The following TDRD6 variants were observed in gnomAD, a reference collection of about 807,000 sequenced individuals.
TDRD6 encodes tudor domain-containing protein 6.
Under a neutral mutation model 157.5 loss-of-function variants are expected in TDRD6, and 186 were observed. The ratio of observed to expected loss-of-function variants is 1.18; its 90% confidence interval spans 1.05 to 1.33. The LOEUF is 1.33. TDRD6 is among the 40% of genes most tolerant of loss of function. The pLI is 0.00. For missense variants in TDRD6, 3,066 were observed against 2,508.0 expected, an observed-to-expected ratio of 1.22 and a Z score of -4.75; for synonymous variants, 1,075 against 945.2, an observed-to-expected ratio of 1.14 and a Z score of -2.52.
rs1764683537 is a variant in TDRD6 at position 46,703,743 on chromosome 6, T to G, written c.*1856T>G. 1 of 152,148 alleles carries G rather than the reference T, an allele frequency of 6.6e-6. No individual in the cohort carries two copies. Among genetic ancestry groups the G allele is most frequent in the Non-Finnish European group, 1.5e-5 (1 of 67,986 alleles). 9.4% of individuals were successfully genotyped at this position (152,148 alleles called of 1,614,324 possible). On this transcript the variant is annotated 3_prime_UTR_variant, in exon 4 of 4. Transcript: ENST00000316081. ...ATTGAAAACATTAAATAAAATTAAC[T>G]GGAATATGAAGAAGCTAAATGTAAT...
Position 46,692,337 on chromosome 6 carries a change from G to C in TDRD6, c.4209G>C (p.Arg1403Ser). ...VSVVHTNKIGRLDLVNAILPG... is the reference protein window; with the variant it reads ...VSVVHTNKIGSLDLVNAILPG... Reference sequence around the variant, plus strand: ...TGGTTCATACTAACAAAATAGGTAGGCTTGACCTTGTTAATGCAATATTGC... The same window carrying C: ...TGGTTCATACTAACAAAATAGGTAGCCTTGACCTTGTTAATGCAATATTGC... Residue 1403 changes from arginine (R) to serine (S), a missense_variant, in exon 1 of 4, where the codon AGG (arginine) becomes AGC (serine). Coordinates refer to ENST00000316081, the MANE Select transcript of TDRD6 (RefSeq NM_001010870.3). 6.2e-7 allele frequency: 1 copy of C among 1,614,144 alleles called. No homozygotes were observed. Among genetic ancestry groups the C allele is most frequent in the Admixed American group, 1.7e-5 (1 of 60,022 alleles).
chr6:46,692,528 G>A lies in TDRD6; in HGVS notation c.4400G>A (p.Gly1467Glu). 1 of 1,613,724 alleles carries A rather than the reference G, an allele frequency of 6.2e-7. No individual in the cohort carries two copies. Among genetic ancestry groups the A allele is most frequent in the Non-Finnish European group, 8.5e-7 (1 of 1,180,004 alleles). ...RWEVILADEH[G>E]IIADDMISRY... Reference sequence around the variant, plus strand: ...GAAGTTATTCTTGCTGATGAACATGGGATCATAGCAGATGATATGATTAGC... The same window carrying A: ...GAAGTTATTCTTGCTGATGAACATGAGATCATAGCAGATGATATGATTAGC... The change falls in exon 1 of 4, where the codon GGG (glycine) becomes GAG (glutamate). Residue 1467 changes from glycine to glutamate, a missense_variant. Gly to Glu is a moderately conservative substitution (Grantham distance 98, BLOSUM62 -2). Coordinates refer to ENST00000316081, the MANE Select transcript of TDRD6 (RefSeq NM_001010870.3).
At position 46,692,885 on chromosome 6, in the gene TDRD6, G is replaced by C; in HGVS notation, c.4757G>C (p.Arg1586Thr). The change falls in exon 1 of 4, where the codon AGG (arginine) becomes ACG (threonine). Residue 1586 changes from arginine (R) to threonine (T), a missense_variant. Transcript: ENST00000316081. Reference protein sequence around the residue: ...VRYREDGHYYRALITNICEDY... With the variant: ...VRYREDGHYYTALITNICEDY... ...TACAGAGAAGATGGACATTATTATAGGGCACTTATCACTAATATTTGTGAA... is the reference window on the plus strand; with the variant it reads ...TACAGAGAAGATGGACATTATTATACGGCACTTATCACTAATATTTGTGAA... The C allele has an allele frequency of 1.2e-6, 2 of 1,614,078 alleles. No individual in the cohort carries two copies.
Position 46,689,279 on chromosome 6 carries a change from G to C in TDRD6, c.1151G>C (p.Gly384Ala), listed in dbSNP as rs779367338. The change falls in exon 1 of 4, where the codon GGT becomes GCT. Residue 384 changes from glycine (G) to alanine (A), a missense_variant. Physicochemically the swap from Gly to Ala is moderately conservative, Grantham distance 60. Coordinates refer to ENST00000316081, the MANE Select transcript of TDRD6 (RefSeq NM_001010870.3). ...YPCALYGLWD[G>A]GRGWSRSQVG... ...TGTGCTTTGTATGGACTCTGGGACG[G>C]TGGGAGAGGCTGGTCTCGGTCACAG... is the stretch of plus-strand genomic sequence containing the variant. 9.9e-6 allele frequency: 16 copies of C among 1,614,090 alleles called. No homozygotes were observed. Among genetic ancestry groups the C allele is most frequent in the African/African-American group, 1.3e-5 (1 of 74,928 alleles).
the TDRD6 span, chr6:46,681,403 A>G: frequency 5.6e-6 from 2 of 359,344 alleles, no homozygotes; most frequent in Admixed American, 6.8e-5. Context: ...TATGGAAATT[A>G]TATCACTATT....
In TDRD6 at chr6:46,695,911, G is replaced by A; in HGVS notation, c.6137G>A (p.Cys2046Tyr). 1 of 1,613,546 alleles carries A rather than the reference G, an allele frequency of 6.2e-7. No individual in the cohort carries two copies. Among genetic ancestry groups the A allele is most frequent in the East Asian group, 2.2e-5 (1 of 44,794 alleles). ...WSSLRNTWSK[C>Y]EILETAEEGT... ...AGTCTAAGAAACACATGGTCTAAAT[G>A]TGAGATTTTAGAAACAGCTGAAGAA... is the stretch of plus-strand genomic sequence containing the variant. Residue 2046 changes from cysteine to tyrosine, a missense_variant, in exon 2 of 4, where the codon TGT (cysteine) becomes TAT (tyrosine). By Grantham distance (194) the Cys-to-Tyr change is radical (BLOSUM62 -2). Coordinates refer to ENST00000316081, the MANE Select transcript of TDRD6 (RefSeq NM_001010870.3).
Position 46,688,251 on chromosome 6 carries a change from C to T in TDRD6, c.123C>T (p.Gly41=). Reference sequence around the variant, plus strand: ...GGGGGCTGGTGGGCGAGCGGCGGGGCGAGTACCTGCGGCTGAGCCGGGAAA... The same window carrying T: ...GGGGGCTGGTGGGCGAGCGGCGGGGTGAGTACCTGCGGCTGAGCCGGGAAA... ...QLWGLVGERR[G]EYLRLSREIQ... The change falls in exon 1 of 4, where the codon GGC becomes GGT. Residue 41 remains glycine, a synonymous_variant. Coordinates refer to ENST00000316081, the MANE Select transcript of TDRD6 (RefSeq NM_001010870.3). 1 of 1,515,594 alleles carries T rather than the reference C, an allele frequency of 6.6e-7. No individual in the cohort carries two copies. The highest frequency in any genetic ancestry group is 8.8e-7 in the Non-Finnish European group (1 of 1,138,910). 93.9% of individuals were successfully genotyped at this position (1,515,594 alleles called of 1,614,324 possible). A position where few individuals can be genotyped will look rare whatever the true frequency, so the allele number is the denominator to read the frequency against.
chr6:46,696,468 A>ATGTG (rs66827473), intron 2 of TDRD6, among the ~76,000 whole-genome samples: 8 of 113,064 alleles, frequency 7.1e-5, no homozygotes, highest in African/African-American at 2.6e-4. Context: ...ATATATGTAT[A>ATGTG]TGTGTGTATA....
Position 46,688,435 on chromosome 6 carries a change from C to A in TDRD6, c.307C>A (p.Arg103Ser), listed in dbSNP as rs899912300. The change falls in exon 1 of 4, where the codon CGC (arginine) becomes AGC (serine). Residue 103 changes from arginine to serine, a missense_variant. Transcript: ENST00000316081. ...CCGTGTCTTCCTGCTGGACGAGGGCCGCACCATCACGGCCGGAGCAGGCTC... is the reference window on the plus strand; with the variant it reads ...CCGTGTCTTCCTGCTGGACGAGGGCAGCACCATCACGGCCGGAGCAGGCTC... Reference protein sequence around the residue: ...ESRVFLLDEGRTITAGAGSLA... With the variant: ...ESRVFLLDEGSTITAGAGSLA... The A allele has an allele frequency of 2.6e-6, 4 of 1,541,884 alleles. No individual in the cohort carries two copies. In the African/African-American group the frequency reaches 5.5e-5, roughly 21 times the overall value.
chr6:46,682,855 T>C, the TDRD6 span, among the ~76,000 whole-genome samples: 1 of 151,910 alleles, frequency 6.6e-6, no homozygotes, highest in Non-Finnish European at 1.5e-5. Flanking sequence ...ATGAACTGTG[T>C]CCATGGATTA....
At position 46,689,944 on chromosome 6, in the gene TDRD6, T is replaced by A; in HGVS notation, c.1816T>A (p.Trp606Arg). The change falls in exon 1 of 4, where the codon TGG becomes AGG. Residue 606 changes from tryptophan (W) to arginine (R), a missense_variant. Transcript: ENST00000316081. ...TGTGAAGTGCACCCTGGCTGATATT[T>A]GGCCTTTGGGAAAAACTTGGAGCCA... The part of the protein sequence containing the change: ...LAVKCTLADI[W>R]PLGKTWSQEA... 6.2e-7 allele frequency: 1 copy of A among 1,614,166 alleles called. No homozygotes were observed. The highest frequency in any genetic ancestry group is 8.5e-7 in the Non-Finnish European group (1 of 1,180,020).
chr6:46,689,117 T>A lies in TDRD6; in HGVS notation c.989T>A (p.Leu330Gln). The change falls in exon 1 of 4, where the codon CTG becomes CAG. Residue 330 changes from leucine (L) to glutamine (Q), a missense_variant. Physicochemically the swap from Leu to Gln is moderately radical, Grantham distance 113 (BLOSUM62 -2). Coordinates refer to ENST00000316081, the MANE Select transcript of TDRD6 (RefSeq NM_001010870.3). Reference protein sequence around the residue: ...CGLDGHWYRALLLETFRPQRC... With the variant: ...CGLDGHWYRAQLLETFRPQRC... ...CTGGATGGACATTGGTACAGAGCAC[T>A]GTTGCTTGAGACTTTTCGGCCCCAG... 1 of 1,614,152 alleles carries A rather than the reference T, an allele frequency of 6.2e-7. No homozygotes were observed. The highest frequency in any genetic ancestry group is 8.5e-7 in the Non-Finnish European group (1 of 1,180,040).
Position 46,691,642 on chromosome 6 carries a change from G to C in TDRD6, c.3514G>C (p.Val1172Leu), listed in dbSNP as rs1381117034. ...TAGAATAAGAAAAAAAGAAAGTGAA[G>C]TCCTCTGTTCTACAACTGAAACTCT... is the stretch of plus-strand genomic sequence containing the variant. The part of the protein sequence containing the change: ...KDRIRKKESE[V>L]LCSTTETLEE... Residue 1172 changes from valine (V) to leucine (L), a missense_variant, in exon 1 of 4, where the codon GTC (valine) becomes CTC (leucine). By Grantham distance (32) the Val-to-Leu change is conservative. Coordinates refer to ENST00000316081, the MANE Select transcript of TDRD6 (RefSeq NM_001010870.3). The C allele has an allele frequency of 1.2e-6, 2 of 1,613,100 alleles. No homozygotes were observed. Among genetic ancestry groups the C allele is most frequent in the Non-Finnish European group, 1.7e-6 (2 of 1,179,616 alleles).
chr6:46,695,959 A>G lies in TDRD6; in HGVS notation c.6171+14A>G. ...GAAGGAACAAGGGTAAGTGATGTTT[A>G]AGTACTTTATCTCCAAATGTATTTG... is the stretch of plus-strand genomic sequence containing the variant. On this transcript the variant is annotated intron_variant, in intron 2 of 3. Coordinates refer to ENST00000316081, the MANE Select transcript of TDRD6 (RefSeq NM_001010870.3). The G allele has an allele frequency of 6.2e-7, 1 of 1,607,878 alleles. No individual in the cohort carries two copies. The highest frequency in any genetic ancestry group is 8.5e-7 in the Non-Finnish European group (1 of 1,177,576).
At chr6:46,699,391 AT>A (rs1764570576) in intron 3 of TDRD6, among the ~76,000 whole-genome samples, 2 of 152,114 alleles carry the variant, frequency 1.3e-5, no homozygotes, top group Non-Finnish European at 2.9e-5. Flanking sequence ...CATCTCTCAC[AT>A]TTGTAGGTGC....
chr6:46,687,831 T>G, upstream of TDRD6: 1 of 356,362 alleles, frequency 2.8e-6, no homozygotes, highest in South Asian at 4.8e-5. Flanking sequence ...AGGCCTCGGC[T>G]GGCCCCGCCC....
chr6:46,690,234 G>A lies in TDRD6; in HGVS notation c.2106G>A (p.Lys702=). The change falls in exon 1 of 4, where the codon AAG becomes AAA. Residue 702 remains lysine (K), a synonymous_variant. Transcript: ENST00000316081. ...TTESNKIPFA[K]TGEGEQKAKR... is the part of the protein sequence containing the mutation. The stretch of plus-strand genomic sequence containing the variant: ...AGAGTAACAAAATACCTTTTGCCAA[G>A]ACTGGAGAAGGAGAGCAGAAAGCCA... 6.2e-7 allele frequency: 1 copy of A among 1,613,752 alleles called. No individual in the cohort carries two copies. Among genetic ancestry groups the A allele is most frequent in the South Asian group, 1.1e-5 (1 of 91,068 alleles).
At position 46,691,918 on chromosome 6, in the gene TDRD6, G is replaced by C; in HGVS notation, c.3790G>C (p.Glu1264Gln). ...AGAAAAGAAAGAAGAAATTTCTGCT[G>C]AGACACCCTTGAAAACAGCAAGAGT... is the stretch of plus-strand genomic sequence containing the variant. ...TTEKKEEISA[E>Q]TPLKTARVEA... Residue 1264 changes from glutamate to glutamine, a missense_variant, in exon 1 of 4, where the codon GAG becomes CAG. Glu to Gln is a conservative substitution (Grantham distance 29). Transcript: ENST00000316081. 2 of 1,597,806 alleles carry C rather than the reference G, an allele frequency of 1.3e-6. No homozygotes were observed. Among genetic ancestry groups the C allele is most frequent in the Non-Finnish European group, 1.7e-6 (2 of 1,175,826 alleles).
chr6:46,699,654 A>G (rs1198636333), intron 3 of TDRD6, among the ~76,000 whole-genome samples: 1 of 151,980 alleles, frequency 6.6e-6, no homozygotes, highest in Non-Finnish European at 1.5e-5. Context: ...CAAAATCAGG[A>G]GACAAAGAAG....
Sources: gnomAD v4.1 joint callset for allele counts (sites outside exome capture counted in the v4.1 genomes callset) on GRCh38, gnomAD v4.1.1 for gene constraint, MANE v1.5 for transcripts, NCBI Gene and HGNC (gene_info 2026-07-23, HGNC 2026-07-21) for gene names.